COL11A1: variants seen among roughly 807,000 people sequenced by gnomAD.
The protein encoded by COL11A1 is collagen alpha-1(XI) chain.
Under a neutral mutation model 265.2 loss-of-function variants are expected in COL11A1, and 74 were observed. The ratio of observed to expected loss-of-function variants is 0.28; its 90% confidence interval spans 0.23 to 0.34. The LOEUF (loss-of-function observed/expected upper bound fraction) is 0.34, where lower values mean the gene tolerates loss of function less well. Among genes scored for constraint, COL11A1 ranks in the 10% least tolerant of loss-of-function variants. The pLI is 1.00. For synonymous variants in COL11A1, 816 were observed against 727.6 expected, an observed-to-expected ratio of 1.12 and a Z score of -1.96; for missense variants, 2,165 against 2,263.6, an observed-to-expected ratio of 0.96 and a Z score of 0.88.
chr1:103,033,109 T>C (rs1021655126), intron 4 of COL11A1, among the ~76,000 whole-genome samples: 1 of 152,134 alleles, frequency 6.6e-6, no homozygotes, highest in Non-Finnish European at 1.5e-5. Context: ...CCTTTTTCAA[T>C]TGGCTTCTTT....
At chr1:102,989,842 T>C (rs1339323763) in intron 28 of COL11A1, among the ~76,000 whole-genome samples, 2 of 152,052 alleles carry the variant, frequency 1.3e-5, no homozygotes, top group Non-Finnish European at 1.5e-5. Context: ...ATGAGGGAAA[T>C]AACCATTCTC....
chr1:103,042,458 T>G (rs530584257), intron 4 of COL11A1, among the ~76,000 whole-genome samples: 6 of 152,116 alleles, frequency 3.9e-5, no homozygotes, highest in Non-Finnish European at 7.4e-5. Flanking sequence ...CCCCAATTCC[T>G]ATTACTAACA....
At chr1:103,093,241 G>T (rs1287600734) in intron 1 of COL11A1, among the ~76,000 whole-genome samples, 1 of 152,068 alleles carries the variant, frequency 6.6e-6, no homozygotes, top group Non-Finnish European at 1.5e-5. Context: ...TAAAGCTGAA[G>T]AATTTAATGC....
chr1:102,903,821 C>A (rs1303777555), intron 54 of COL11A1, among the ~76,000 whole-genome samples: 1 of 152,146 alleles, frequency 6.6e-6, no homozygotes, highest in Non-Finnish European at 1.5e-5. Flanking sequence ...AAAGTGACCT[C>A]ACATATGTAC....
rs1662763726 is a variant in COL11A1 at position 102,978,865 on chromosome 1, G to C, written c.2704C>G (p.Pro902Ala). The C allele has an allele frequency of 6.2e-7, 1 of 1,613,986 alleles. No homozygotes were observed. Among genetic ancestry groups the C allele is most frequent in the African/African-American group, 1.3e-5 (1 of 74,910 alleles). Reference sequence around the variant, plus strand: ...AGAAAAAGTACAGGTGATACCTTTGGCCCAGGTTTCCCAGTGGGACCTCTT... The same window carrying C: ...AGAAAAAGTACAGGTGATACCTTTGCCCCAGGTTTCCCAGTGGGACCTCTT... Reference protein sequence around the residue: ...GARGPTGKPGPKGTSGGDGPP... With the variant: ...GARGPTGKPGAKGTSGGDGPP... The change falls in exon 34 of 67, where the codon CCA becomes GCA. Residue 902 changes from proline to alanine, a missense_variant. Pro to Ala is a conservative substitution (Grantham distance 27, BLOSUM62 -1). Coordinates refer to ENST00000370096, the MANE Select transcript of COL11A1 (RefSeq NM_001854.4).
At chr1:102,975,477 A>G (rs1200805006) in intron 35 of COL11A1, among the ~76,000 whole-genome samples, 2 of 152,122 alleles carry the variant, frequency 1.3e-5, no homozygotes, top group Non-Finnish European at 2.9e-5. Context: ...TAGATAAGGT[A>G]AAAATAACTT....
At chr1:102,957,973 C>T (rs1660531186) in intron 41 of COL11A1, among the ~76,000 whole-genome samples, 1 of 152,090 alleles carries the variant, frequency 6.6e-6, no homozygotes, top group South Asian at 2.1e-4. Flanking sequence ...CTTTAGACTT[C>T]ACATTCTCTT....
chr1:102,955,988 G>T (rs1660337350), intron 41 of COL11A1, among the ~76,000 whole-genome samples: 1 of 152,042 alleles, frequency 6.6e-6, no homozygotes, highest in African/African-American at 2.4e-5. Context: ...GGGAACACTT[G>T]GTTTTCCTAG....
intron 41 of COL11A1, among the ~76,000 whole-genome samples, chr1:102,953,958 C>T (rs1186493888): frequency 6.6e-6 from 1 of 152,018 alleles, no homozygotes. Flanking sequence ...ATTTAAATGA[C>T]AATAAAAACA....
At chr1:102,986,452 T>C (rs901106840) in intron 30 of COL11A1, among the ~76,000 whole-genome samples, 3 of 147,698 alleles carry the variant, frequency 2.0e-5, no homozygotes, top group East Asian at 2.2e-4. Context: ...TTAGGAGATA[T>C]ACCTAATGTA....
At chr1:103,014,059 A>C (rs185134869) in intron 13 of COL11A1, among the ~76,000 whole-genome samples, 19 of 152,186 alleles carry the variant, frequency 1.2e-4, no homozygotes, top group Non-Finnish European at 2.2e-4. Flanking sequence ...TATGATGCCC[A>C]AAAAATTTAA....
chr1:102,886,831 G>C lies in COL11A1; in HGVS notation c.4834C>G (p.Leu1612Val), dbSNP rs1651040272. 2.5e-6 allele frequency: 4 copies of C among 1,613,792 alleles called. No homozygotes were observed. ...CCATCTGGGAAGTCAGGATGGCTGA[G>C]TTGCAGGTCTTTACAAGTTCGGGCT... is the stretch of plus-strand genomic sequence containing the variant. ...NPARTCKDLQ[L>V]SHPDFPDGEY... The change falls in exon 63 of 67, where the codon CTC becomes GTC. Residue 1612 changes from leucine to valine, a missense_variant. Physicochemically the swap from Leu to Val is conservative, Grantham distance 32 (BLOSUM62 1). Coordinates refer to ENST00000370096, the MANE Select transcript of COL11A1 (RefSeq NM_001854.4).
Position 102,935,085 on chromosome 1 carries a change from C to G in COL11A1, c.3467G>C (p.Gly1156Ala). The change falls in exon 45 of 67, where the codon GGA (glycine) becomes GCA (alanine). Residue 1156 changes from glycine to alanine, a missense_variant. Transcript: ENST00000370096. ...AGCAATTCCAGGGGCACCAACTGGT[C>G]CTTGAAGACCTGGGGGACCGGGAGG... ...NGPPGPPGLQ[G>A]PVGAPGIAGG... 1 of 1,613,992 alleles carries G rather than the reference C, an allele frequency of 6.2e-7. No homozygotes were observed.
At chr1:102,891,105 C>T (rs1651721222) in intron 57 of COL11A1, among the ~76,000 whole-genome samples, 1 of 151,948 alleles carries the variant, frequency 6.6e-6, no homozygotes, top group Non-Finnish European at 1.5e-5. Flanking sequence ...TTCTTCTAGG[C>T]CATGGCCAAT....
At chr1:102,936,303 T>C (rs1384876970) in intron 44 of COL11A1, among the ~76,000 whole-genome samples, 1 of 151,226 alleles carries the variant, frequency 6.6e-6, no homozygotes, top group African/African-American at 2.4e-5. Flanking sequence ...AACTTTTACA[T>C]GGAACACTAA....
chr1:102,936,641 G>T (rs750611989), intron 44 of COL11A1, among the ~76,000 whole-genome samples: 56 of 152,040 alleles, frequency 3.7e-4, no homozygotes, highest in Middle Eastern at 3.2e-3. Context: ...ATAAAGAATT[G>T]TGTCAACACT....
At chr1:103,054,759 G>A (rs1670107736) in intron 4 of COL11A1, among the ~76,000 whole-genome samples, 1 of 152,042 alleles carries the variant, frequency 6.6e-6, no homozygotes, top group Non-Finnish European at 1.5e-5. Flanking sequence ...AAATTAGCCA[G>A]GCATGGTGGT....
intron 49 of COL11A1, 144 bp downstream of exon 49, chr1:102,920,167 T>C (rs2101065566): frequency 1.2e-6 from 1 of 803,376 alleles, no homozygotes; most frequent in South Asian, 1.4e-5. Flanking sequence ...ACTTTAATTT[T>C]TGCAACTACT....
chr1:103,029,592 C>G (rs370096900), intron 5 of COL11A1, among the ~76,000 whole-genome samples: 5 of 151,816 alleles, frequency 3.3e-5, no homozygotes, highest in African/African-American at 1.2e-4. Flanking sequence ...CTTACTCAAT[C>G]TAAAAAAAGG....
Sources: allele counts gnomAD v4.1 joint callset (sites outside exome capture counted in the v4.1 genomes callset), GRCh38; gene constraint gnomAD v4.1.1; transcripts MANE v1.5; gene names NCBI Gene and HGNC (gene_info 2026-07-23, HGNC 2026-07-21).